Variants in NXN observed in about 807,000 individuals in gnomAD.
NXN encodes nucleoredoxin 1.
A neutral mutation model predicts 48.6 loss-of-function variants in NXN; 16 were observed. That is an observed-to-expected ratio of 0.33 (90% confidence interval 0.22 to 0.50). The LOEUF (loss-of-function observed/expected upper bound fraction) is 0.50, where lower values mean the gene tolerates loss of function less well. Ranked by LOEUF, NXN falls within the 20% of genes least tolerant of loss-of-function variation. The pLI is 0.98. For synonymous variants in NXN, 281 were observed against 269.6 expected (o/e 1.04, Z -0.41); for missense variants, 492 against 605.5 (o/e 0.81, Z 1.97).
intron 1 of NXN, among the ~76,000 whole-genome samples, chr17:887,691 C>T (rs1483218533): frequency 6.6e-6 from 1 of 152,118 alleles, no homozygotes; most frequent in Admixed American, 6.5e-5. Flanking sequence ...TCCATTCGCT[C>T]CATGTCAGTG....
intron 1 of NXN, among the ~76,000 whole-genome samples, chr17:848,508 G>A (rs544108456): frequency 6.6e-6 from 1 of 152,314 alleles, no homozygotes; most frequent in Admixed American, 6.5e-5. Context: ...AGTAGCATTT[G>A]CCAGGTTCGT....
chr17:939,595 C>T lies in NXN; in HGVS notation c.360+39724G>A, dbSNP rs1346357076. Among the ~76,000 whole-genome samples the T allele has an allele frequency of 2.0e-5, 3 of 152,136 alleles. No homozygotes were observed. In the South Asian group the frequency reaches 6.2e-4, roughly 32 times the overall value. The stretch of plus-strand genomic sequence containing the variant: ...TCCTGACCTCAGGTGATCCTCCCAC[C>T]TTGGCCTCCCAAAGTGCTGGGATTA... On this transcript the variant is annotated intron_variant, in intron 1 of 7. Transcript: ENST00000336868.
Position 835,307 on chromosome 17 carries a change from CAAAAAA to C in NXN, c.361-9235_361-9230del, listed in dbSNP as rs368573865. On this transcript the variant is annotated intron_variant, in intron 1 of 7. Coordinates refer to ENST00000336868, the MANE Select transcript of NXN (RefSeq NM_022463.5). ...TGGAAGACAGACCGAGACTCTGTTT[CAAAAAA>C]AAAAAAAAAAGAAAACGTCATAGCA... 5.5e-3 allele frequency among the ~76,000 whole-genome samples: 504 copies of C among 91,296 alleles called. 6 individuals carry two copies. Among genetic ancestry groups the C allele is most frequent in the African/African-American group, 0.019 (479 of 24,606 alleles). 59.9% of individuals were successfully genotyped at this position (91,296 alleles called of 152,430 possible). A position where few individuals can be genotyped will look rare whatever the true frequency, so the allele number is the denominator to read the frequency against.
At chr17:935,365 AC>A (rs2068897428) in intron 1 of NXN, among the ~76,000 whole-genome samples, 1 of 150,392 alleles carries the variant, frequency 6.6e-6, no homozygotes, top group Non-Finnish European at 1.5e-5. Flanking sequence ...CTGGCACAAA[AC>A]CCCCACCTCC....
intron 1 of NXN, among the ~76,000 whole-genome samples, chr17:837,591 C>T (rs1240201256): frequency 6.6e-6 from 1 of 152,218 alleles, no homozygotes; most frequent in Non-Finnish European, 1.5e-5. Context: ...ACCACGGCTC[C>T]CCCTTGTTCC....
chr17:841,684 C>CCACGGAG (rs1567828221), intron 1 of NXN, among the ~76,000 whole-genome samples: 1 of 137,186 alleles, frequency 7.3e-6, no homozygotes, highest in Non-Finnish European at 1.6e-5. Flanking sequence ...TCCACCCTGA[C>CCACGGAG]CATGGCACAT....
intron 1 of NXN, among the ~76,000 whole-genome samples, chr17:955,031 A>C (rs2069150170): frequency 6.7e-6 from 1 of 149,882 alleles, no homozygotes; most frequent in South Asian, 2.1e-4. Flanking sequence ...TCCACAGGAA[A>C]ACAACTCTGC....
chr17:973,026 G>A (rs1282112854), intron 1 of NXN, among the ~76,000 whole-genome samples: 6 of 144,938 alleles, frequency 4.1e-5, no homozygotes, highest in African/African-American at 1.0e-4. Flanking sequence ...GCGAGACTGC[G>A]TCTCAAAAAA....
Position 872,613 on chromosome 17 carries a change from C to CTTTT in NXN, c.361-46539_361-46536dup, listed in dbSNP as rs34081114. ...CTGTGACTATGTTTCCGGGTGAGAT[C>CTTTT]TTTTTTTTTTTTTTTTTTTTTTTTG... On this transcript the variant is annotated intron_variant, in intron 1 of 7. Transcript: ENST00000336868. Among the ~76,000 whole-genome samples, 445 of 75,408 alleles carry CTTTT rather than the reference C, an allele frequency of 5.9e-3. 12 individuals carry two copies. Among genetic ancestry groups the CTTTT allele is most frequent in the African/African-American group, 0.011 (208 of 18,286 alleles). The allele number at this position is 75,408 out of a possible 152,430, so 49.5% of individuals were successfully genotyped here.
At chr17:895,977 G>A (rs1187700736) in intron 1 of NXN, among the ~76,000 whole-genome samples, 1 of 152,130 alleles carries the variant, frequency 6.6e-6, no homozygotes, top group African/African-American at 2.4e-5. Context: ...GGAGGCTGAG[G>A]TGGGGAGGAT....
chr17:947,956 CAGG>C (rs992092135), intron 1 of NXN, among the ~76,000 whole-genome samples: 2 of 151,036 alleles, frequency 1.3e-5, no homozygotes, highest in African/African-American at 4.9e-5. Flanking sequence ...GAGGCTGAGG[CAGG>C]AGAATTGCTT....
rs577276184 is a variant in NXN at position 823,378 on chromosome 17, A to G, written c.612+254T>C. Among the ~76,000 whole-genome samples, 105 of 151,774 alleles carry G rather than the reference A, an allele frequency of 6.9e-4. 5 individuals carry two copies. The South Asian group carries it at 0.021, about 31-fold the overall frequency. On this transcript the variant is annotated intron_variant, in intron 3 of 7. Coordinates refer to ENST00000336868, the MANE Select transcript of NXN (RefSeq NM_022463.5). ...CGCGCCACTGCACTCCAGCCTGGGT[A>G]ACAGAGCGAGACTCTGGCTCAGAAA...
At chr17:896,469 G>A (rs976325690) in intron 1 of NXN, among the ~76,000 whole-genome samples, 4 of 151,316 alleles carry the variant, frequency 2.6e-5, no homozygotes, top group African/African-American at 9.7e-5. Context: ...ATCGTGCCAC[G>A]GCACTCCAGC....
chr17:947,234 C>T (rs889776598), intron 1 of NXN, among the ~76,000 whole-genome samples: 3 of 152,120 alleles, frequency 2.0e-5, no homozygotes, highest in African/African-American at 7.2e-5. Flanking sequence ...TCAGGGCCTT[C>T]GAGGTCACAA....
chr17:861,795 A>T (rs1476383867), intron 1 of NXN, among the ~76,000 whole-genome samples: 1 of 152,000 alleles, frequency 6.6e-6, no homozygotes, highest in Non-Finnish European at 1.5e-5. Flanking sequence ...AAATGATACT[A>T]AAAAATGGAG....
At chr17:913,344 C>T (rs538886493) in intron 1 of NXN, among the ~76,000 whole-genome samples, 1 of 152,286 alleles carries the variant, frequency 6.6e-6, no homozygotes, top group African/African-American at 2.4e-5. Flanking sequence ...CCCATTTTCT[C>T]CTGGAGTCTG....
intron 1 of NXN, among the ~76,000 whole-genome samples, chr17:869,711 G>A (rs956109415): frequency 6.6e-6 from 1 of 152,256 alleles, no homozygotes; most frequent in Admixed American, 6.5e-5. Flanking sequence ...AATGAGTGAG[G>A]AGGGAAGGCG....
intron 5 of NXN, among the ~76,000 whole-genome samples, chr17:812,153 T>A (rs1912084848): frequency 6.6e-6 from 1 of 151,176 alleles, no homozygotes; most frequent in Non-Finnish European, 1.5e-5. Context: ...GGTCTCGATC[T>A]CCTGACCTCG....
chr17:835,485 A>C (rs894364640), intron 1 of NXN, among the ~76,000 whole-genome samples: 6 of 152,162 alleles, frequency 3.9e-5, no homozygotes, highest in African/African-American at 1.4e-4. Flanking sequence ...TGGGTTATCC[A>C]GTTACTTGAA....
Sources: allele counts gnomAD v4.1 joint callset (sites outside exome capture counted in the v4.1 genomes callset), GRCh38; gene constraint gnomAD v4.1.1; transcripts MANE v1.5; gene names NCBI Gene and HGNC (gene_info 2026-07-23, HGNC 2026-07-21).